Variants in AGK observed in about 807,000 individuals in gnomAD.
The protein encoded by AGK is acylglycerol kinase, mitochondrial.
Under a neutral mutation model 66.4 loss-of-function variants are expected in AGK, and 52 were observed. That is an observed-to-expected ratio of 0.78 (90% confidence interval 0.63 to 0.99). The LOEUF (loss-of-function observed/expected upper bound fraction) is 0.99, where lower values mean the gene tolerates loss of function less well. Among genes scored for constraint, AGK ranks in the 50% least tolerant of loss-of-function variants. AGK has a pLI of 0.00. For missense variants in AGK, 451 were observed against 506.6 expected, an observed-to-expected ratio of 0.89 and a Z score of 1.05; for synonymous variants, 182 against 181.1, an observed-to-expected ratio of 1.00 and a Z score of -0.04.
In AGK at chr7:141,634,015, T is replaced by A. The variant is rs763489832; in HGVS notation, c.668+35T>A. 3.0e-4 allele frequency: 465 copies of A among 1,550,702 alleles called. 3 individuals are homozygous for A. The highest frequency in any genetic ancestry group is 1.7e-4 in the Middle Eastern group (1 of 5,926). On this transcript the variant is annotated intron_variant, in intron 10 of 15. Coordinates refer to ENST00000649286, the MANE Select transcript of AGK (RefSeq NM_018238.4). ...TACTATATTGATGTGTGATGTTTTT[T>A]AAAAAAATCTTATTCTGTCCCTGCC...
chr7:141,596,661 G>C lies in AGK; in HGVS notation c.221+20G>C, dbSNP rs1307659624. ...CAAAGGGTAGTTCCGTTTGTGACTTGTTATATACTTGCTTTTTCTAAGGGG... is the reference window on the plus strand; with the variant it reads ...CAAAGGGTAGTTCCGTTTGTGACTTCTTATATACTTGCTTTTTCTAAGGGG... On this transcript the variant is annotated intron_variant, in intron 4 of 15. Transcript: ENST00000649286. The C allele has an allele frequency of 6.2e-7, 1 of 1,606,940 alleles. No homozygotes were observed. The highest frequency in any genetic ancestry group is 8.5e-7 in the Non-Finnish European group (1 of 1,173,812).
rs1797642990 is a variant in AGK at position 141,654,498 on chromosome 7, A to G, written c.*1574A>G. The stretch of plus-strand genomic sequence containing the variant: ...ATTATTAATGATGATCTATCAACTA[A>G]CAAACAACTTGATTAGATTCTCCTT... On this transcript the variant is annotated 3_prime_UTR_variant, in exon 16 of 16. Coordinates refer to ENST00000649286, the MANE Select transcript of AGK (RefSeq NM_018238.4). The G allele has an allele frequency of 6.6e-6, 1 of 152,238 alleles. No homozygotes were observed. The highest frequency in any genetic ancestry group is 1.5e-5 in the Non-Finnish European group (1 of 68,044). 9.4% of individuals were successfully genotyped at this position (152,238 alleles called of 1,614,324 possible).
chr7:141,641,388 A>G lies in AGK; in HGVS notation c.867A>G (p.Gln289=). 1 of 1,611,746 alleles carries G rather than the reference A, an allele frequency of 6.2e-7. No individual in the cohort carries two copies. Among genetic ancestry groups the G allele is most frequent in the African/African-American group, 1.3e-5 (1 of 74,866 alleles). ...ILRRLASYWA[Q]PQDALSQEVS... is the part of the protein sequence containing the mutation. ...GAAGGCTTGCGTCCTACTGGGCACA[A>G]CCACAGGATGGTGAGCAATGTGGCG... The change falls in exon 12 of 16, where the codon CAA becomes CAG. Residue 289 remains glutamine, a synonymous_variant. Coordinates refer to ENST00000649286, the MANE Select transcript of AGK (RefSeq NM_018238.4).
intron 5 of AGK, among the ~76,000 whole-genome samples, chr7:141,607,696 T>C (rs1796494901): frequency 6.6e-6 from 1 of 152,128 alleles, no homozygotes; most frequent in Non-Finnish European, 1.5e-5. Context: ...TGGTGATGTA[T>C]CTAAAAACTC....
chr7:141,614,233 T>C, intron 7 of AGK, 55 bp downstream of exon 7: 2 of 1,306,026 alleles, frequency 1.5e-6, no homozygotes, highest in Non-Finnish European at 2.1e-6. Flanking sequence ...TCTTTTTTAT[T>C]GCTTTTCTTT....
rs577077701 is a variant in AGK, at chr7:141,623,335, C to T, written c.588+1534C>T. Among the ~76,000 whole-genome samples, 597 of 148,100 alleles carry T rather than the reference C, an allele frequency of 4.0e-3. 2 individuals carry two copies. Among genetic ancestry groups the T allele is most frequent in the South Asian group, 0.012 (55 of 4,708 alleles). On this transcript the variant is annotated intron_variant, in intron 9 of 15. Transcript: ENST00000649286. ...CAGAGGTTGCGGTGAGCCGAGATCG[C>T]GCCATTGCACTCCAGCCTGGGTAAC...
chr7:141,559,625 G>A (rs1795293478), intron 2 of AGK, among the ~76,000 whole-genome samples: 2 of 152,178 alleles, frequency 1.3e-5, no homozygotes, highest in South Asian at 4.1e-4. Context: ...ATTTTGGGAT[G>A]TTTTTTCTAT....
chr7:141,558,538 T>G (rs1795266180), intron 2 of AGK, among the ~76,000 whole-genome samples: 1 of 152,144 alleles, frequency 6.6e-6, no homozygotes, highest in Non-Finnish European at 1.5e-5. Flanking sequence ...TCAATGGACA[T>G]TTTGGTTGCT....
chr7:141,649,530 G>T (rs1797502799), intron 14 of AGK, among the ~76,000 whole-genome samples, 197 bp downstream of exon 14: 1 of 152,156 alleles, frequency 6.6e-6, no homozygotes, highest in Non-Finnish European at 1.5e-5. Context: ...CATTTTGTGG[G>T]GATCAGAATG....
At chr7:141,600,764 G>A (rs980097962) in intron 4 of AGK, among the ~76,000 whole-genome samples, 1 of 152,278 alleles carries the variant, frequency 6.6e-6, no homozygotes, top group South Asian at 2.1e-4. Flanking sequence ...CTGTGCCTGG[G>A]AGTTTCAGAC....
chr7:141,585,237 G>A (rs958650718), intron 2 of AGK, among the ~76,000 whole-genome samples: 1 of 152,174 alleles, frequency 6.6e-6, no homozygotes, highest in Non-Finnish European at 1.5e-5. Context: ...CTGTCTTTCT[G>A]TCAGAAAGGC....
intron 2 of AGK, among the ~76,000 whole-genome samples, chr7:141,574,214 A>G (rs1172108472): frequency 6.6e-6 from 1 of 152,232 alleles, no homozygotes; most frequent in Non-Finnish European, 1.5e-5. Context: ...AAAGAATGTC[A>G]GTGCTTATGA....
At chr7:141,614,627 A>G (rs186588839) in intron 7 of AGK, among the ~76,000 whole-genome samples, 1,708 of 145,806 alleles carry the variant, frequency 0.012, 14 homozygotes, top group Non-Finnish European at 0.016. Context: ...AGAAAACAAT[A>G]CTATGTATGG....
At position 141,655,155 on chromosome 7, in the gene AGK, T is replaced by C. The variant is rs980632234; in HGVS notation, c.*2231T>C. The C allele has an allele frequency of 6.6e-6, 1 of 152,254 alleles. No individual in the cohort carries two copies. The highest frequency in any genetic ancestry group is 2.4e-5 in the African/African-American group (1 of 41,470). 9.4% of individuals were successfully genotyped at this position (152,254 alleles called of 1,614,324 possible). On this transcript the variant is annotated 3_prime_UTR_variant, in exon 16 of 16. Transcript: ENST00000649286. ...TTTATGTGTGCTCATTTTGTGGTTC[T>C]AATCATAATGGTACATATAATTAGG...
At chr7:141,650,985 G>C (rs754960661) in intron 14 of AGK, among the ~76,000 whole-genome samples, 2 of 152,194 alleles carry the variant, frequency 1.3e-5, no homozygotes, top group African/African-American at 4.8e-5. Context: ...TACGGATTCA[G>C]TACAGGTGCA....
chr7:141,585,621 G>A (rs894124265), intron 2 of AGK, among the ~76,000 whole-genome samples: 1 of 152,166 alleles, frequency 6.6e-6, no homozygotes, highest in Non-Finnish European at 1.5e-5. Flanking sequence ...TGGGAAATAG[G>A]ACAGATCAAG....
intron 2 of AGK, among the ~76,000 whole-genome samples, chr7:141,586,657 G>T (rs1366678517): frequency 6.6e-6 from 1 of 151,886 alleles, no homozygotes; most frequent in Admixed American, 6.6e-5. Context: ...AAAAAGGAAG[G>T]GATAAAATGA....
intron 2 of AGK, among the ~76,000 whole-genome samples, chr7:141,592,479 A>C (rs1796142079): frequency 6.6e-6 from 1 of 152,176 alleles, no homozygotes; most frequent in African/African-American, 2.4e-5. Context: ...TGGATGATCC[A>C]GGACGATCTC....
chr7:141,655,235 T>G lies in AGK; in HGVS notation c.*2311T>G, dbSNP rs1041696613. The G allele has an allele frequency of 6.6e-6, 1 of 152,262 alleles. No individual in the cohort carries two copies. Among genetic ancestry groups the G allele is most frequent in the African/African-American group, 2.4e-5 (1 of 41,458 alleles). 9.4% of individuals were successfully genotyped at this position (152,262 alleles called of 1,614,324 possible). A position where few individuals can be genotyped will look rare whatever the true frequency, so the allele number is the denominator to read the frequency against. On this transcript the variant is annotated 3_prime_UTR_variant, in exon 16 of 16. Coordinates refer to ENST00000649286, the MANE Select transcript of AGK (RefSeq NM_018238.4). The stretch of plus-strand genomic sequence containing the variant: ...ATTCATTTTTAAATATAAATATGCC[T>G]TGTTTCAAACTTTGTTTTCTTGATT...
Sources: gnomAD v4.1 joint callset for allele counts (sites outside exome capture counted in the v4.1 genomes callset) on GRCh38, gnomAD v4.1.1 for gene constraint, MANE v1.5 for transcripts, NCBI Gene and HGNC (gene_info 2026-07-23, HGNC 2026-07-21) for gene names.